Variants in TMEM232 observed in about 807,000 individuals in gnomAD.
TMEM232 encodes the protein transmembrane protein 232.
In TMEM232, 80 loss-of-function variants were observed where a neutral mutation model predicts 78.8. That is an observed-to-expected ratio of 1.01 (90% confidence interval 0.85 to 1.22). The LOEUF (loss-of-function observed/expected upper bound fraction) is 1.22. Among genes scored for constraint, TMEM232 ranks in the 50% most tolerant of loss-of-function variants. The pLI is 0.00. For synonymous variants in TMEM232, 297 were observed against 254.3 expected (o/e 1.17, Z -1.60); for missense variants, 881 against 742.2 (o/e 1.19, Z -2.17).
intron 12 of TMEM232, among the ~76,000 whole-genome samples, chr5:110,446,737 C>T (rs1224455911): frequency 6.6e-6 from 1 of 152,092 alleles, no homozygotes; most frequent in Non-Finnish European, 1.5e-5. Context: ...TTGTGAGGTA[C>T]ATTAGAAATT....
intron 10 of TMEM232, among the ~76,000 whole-genome samples, chr5:110,590,818 G>A (rs1396934853): frequency 6.6e-6 from 1 of 152,102 alleles, no homozygotes; most frequent in Non-Finnish European, 1.5e-5. Flanking sequence ...GTGGTGGAAG[G>A]GGAAGCAAGC....
chr5:110,684,484 T>C (rs559520969), intron 1 of TMEM232, among the ~76,000 whole-genome samples: 90 of 152,136 alleles, frequency 5.9e-4, no homozygotes, highest in Admixed American at 2.1e-3. Flanking sequence ...CAAGATATTA[T>C]AGATTAAAAG....
chr5:110,651,488 G>A (rs1788292256), intron 2 of TMEM232, among the ~76,000 whole-genome samples: 1 of 147,124 alleles, frequency 6.8e-6, no homozygotes, highest in Non-Finnish European at 1.5e-5. Context: ...GGGAGGGAGG[G>A]AAAGAACATA....
intron 10 of TMEM232, among the ~76,000 whole-genome samples, chr5:110,595,678 G>A (rs1561350747): frequency 6.6e-6 from 1 of 152,110 alleles, no homozygotes; most frequent in Non-Finnish European, 1.5e-5. Context: ...AGATATCAGA[G>A]ATTGAAGATC....
chr5:110,458,279 T>C (rs1355728841), intron 12 of TMEM232, among the ~76,000 whole-genome samples: 2 of 152,082 alleles, frequency 1.3e-5, no homozygotes, highest in Non-Finnish European at 2.9e-5. Flanking sequence ...ATCTTTTTTT[T>C]GTTTTTTTTT....
intron 1 of TMEM232, among the ~76,000 whole-genome samples, chr5:110,724,872 C>G (rs1308908864): frequency 6.6e-6 from 1 of 151,728 alleles, no homozygotes; most frequent in Admixed American, 6.6e-5. Flanking sequence ...AACAAAAAAA[C>G]TTGCCATGTT....
intron 12 of TMEM232, among the ~76,000 whole-genome samples, chr5:110,430,718 C>T (rs532086803): frequency 1.3e-5 from 2 of 151,570 alleles, no homozygotes; most frequent in African/African-American, 4.8e-5. Flanking sequence ...TGAATAAATA[C>T]AATCTCAGTA....
rs571136400 is a variant in TMEM232 at position 110,633,013 on chromosome 5, A to G, written c.502-5133T>C. Among the ~76,000 whole-genome samples the G allele has an allele frequency of 2.0e-5, 3 of 152,290 alleles. No individual in the cohort carries two copies. The East Asian group carries it at 5.8e-4, about 29-fold the overall frequency. ...AAAAATCATCTAGTCAGCCTTGAGCAGACTAAAAGTGGATTTCTCAGCAGA... is the reference window on the plus strand; with the variant it reads ...AAAAATCATCTAGTCAGCCTTGAGCGGACTAAAAGTGGATTTCTCAGCAGA... On this transcript the variant is annotated intron_variant, in intron 5 of 13. Transcript: ENST00000455884.
chr5:110,669,999 T>G (rs1323187048), intron 1 of TMEM232, among the ~76,000 whole-genome samples: 1 of 152,106 alleles, frequency 6.6e-6, no homozygotes, highest in Non-Finnish European at 1.5e-5. Flanking sequence ...ATAAGAGCTA[T>G]CTATGACAAA....
chr5:110,442,967 A>G (rs1394070341), intron 12 of TMEM232, among the ~76,000 whole-genome samples: 3 of 152,124 alleles, frequency 2.0e-5, no homozygotes, highest in African/African-American at 7.2e-5. Flanking sequence ...GGCACCTGGA[A>G]CCAGGGGTGT....
chr5:110,597,269 T>C (rs890019453), intron 10 of TMEM232, among the ~76,000 whole-genome samples: 2 of 152,106 alleles, frequency 1.3e-5, no homozygotes, highest in African/African-American at 4.8e-5. Context: ...CACGATTGCT[T>C]CAAAGCGAAT....
intron 12 of TMEM232, among the ~76,000 whole-genome samples, chr5:110,459,160 C>T (rs1005316105): frequency 6.6e-6 from 1 of 152,110 alleles, no homozygotes; most frequent in African/African-American, 2.4e-5. Flanking sequence ...TTAGAGATTA[C>T]ATTTTATGCT....
intron 8 of TMEM232, among the ~76,000 whole-genome samples, chr5:110,614,030 C>A (rs1782629280): frequency 6.6e-6 from 1 of 151,852 alleles, no homozygotes; most frequent in African/African-American, 2.4e-5. Flanking sequence ...AAGATTAAAT[C>A]TTTTCCTTAA....
intron 10 of TMEM232, among the ~76,000 whole-genome samples, chr5:110,571,870 C>T (rs1030594160): frequency 3.3e-5 from 5 of 151,668 alleles, no homozygotes; most frequent in African/African-American, 4.8e-5. Flanking sequence ...CAGATTAAAT[C>T]GTAGATGTTT....
At chr5:110,668,398 C>T (rs1334554378) in intron 1 of TMEM232, among the ~76,000 whole-genome samples, 1 of 152,146 alleles carries the variant, frequency 6.6e-6, no homozygotes, top group Non-Finnish European at 1.5e-5. Context: ...TCCAATCTCA[C>T]TCTCCTTGCG....
At chr5:110,517,172 C>A (rs1768797948) in intron 12 of TMEM232, among the ~76,000 whole-genome samples, 1 of 152,150 alleles carries the variant, frequency 6.6e-6, no homozygotes, top group South Asian at 2.1e-4. Flanking sequence ...TGAAAAAGAA[C>A]TGTATGATTT....
Position 110,606,417 on chromosome 5 carries a change from A to G in TMEM232, c.903-130T>C, listed in dbSNP as rs981568264. ...GCATTACCAGATACATTTATTTTCA[A>G]TAAAGATTAGTATTGCTTCTCATTA... On this transcript the variant is annotated intron_variant, in intron 8 of 13. Transcript: ENST00000455884. 5 of 1,008,664 alleles carry G rather than the reference A, an allele frequency of 5.0e-6. No individual in the cohort carries two copies. The African/African-American group carries it at 8.1e-5, about 16-fold the overall frequency. The allele number at this position is 1,008,664 out of a possible 1,614,324, so 62.5% of individuals were successfully genotyped here.
At chr5:110,404,306 C>T (rs993798875) in intron 2 of TMEM232, among the ~76,000 whole-genome samples, 2 of 152,032 alleles carry the variant, frequency 1.3e-5, no homozygotes, top group African/African-American at 2.4e-5. Flanking sequence ...GTTGTTAGGA[C>T]ATTTTATCCT....
intron 10 of TMEM232, among the ~76,000 whole-genome samples, chr5:110,581,729 T>G (rs1778228952): frequency 1.3e-5 from 2 of 151,266 alleles, no homozygotes; most frequent in Non-Finnish European, 2.9e-5. Context: ...ACAGACAACC[T>G]ACAAAATGAG....
Sources: gnomAD v4.1 joint callset for allele counts (sites outside exome capture counted in the v4.1 genomes callset) on GRCh38, gnomAD v4.1.1 for gene constraint, MANE v1.5 for transcripts, NCBI Gene and HGNC (gene_info 2026-07-23, HGNC 2026-07-21) for gene names.